Variants in GRM7 observed in about 807,000 individuals in gnomAD.
GRM7 encodes glutamate metabotropic receptor 7.
In GRM7, 35 loss-of-function variants were observed where a neutral mutation model predicts 84.5. That is an observed-to-expected ratio of 0.41 (90% CI 0.32 to 0.55). The LOEUF (loss-of-function observed/expected upper bound fraction) is 0.55. GRM7 is among the 20% of genes least tolerant of loss of function. The pLI is 0.19. For missense variants in GRM7, 1,003 were observed against 1,194.6 expected (o/e 0.84, Z 2.36); for synonymous variants, 487 against 455.1 (o/e 1.07, Z -0.89).
intron 4 of GRM7, among the ~76,000 whole-genome samples, chr3:7,393,062 T>C (rs993911086): frequency 1.3e-5 from 2 of 152,072 alleles, no homozygotes; most frequent in Admixed American, 6.5e-5. Context: ...CTCAGGCAAG[T>C]AGAGTGAGCA....
chr3:7,372,158 C>T (rs573449317), intron 4 of GRM7, among the ~76,000 whole-genome samples: 1 of 152,128 alleles, frequency 6.6e-6, no homozygotes, highest in South Asian at 2.1e-4. Flanking sequence ...TGGGAAGGAG[C>T]TCCTGCCAAC....
chr3:6,932,835 A>G (rs981561746), intron 1 of GRM7, among the ~76,000 whole-genome samples: 3 of 144,730 alleles, frequency 2.1e-5, no homozygotes, highest in African/African-American at 7.8e-5. Flanking sequence ...GCTCACTGCA[A>G]TCTTCGACTC....
At chr3:7,005,137 G>A (rs1349888324) in intron 1 of GRM7, among the ~76,000 whole-genome samples, 1 of 152,170 alleles carries the variant, frequency 6.6e-6, no homozygotes, top group African/African-American at 2.4e-5. Flanking sequence ...AACAAGTCAC[G>A]CGTCAAGGTG....
chr3:7,699,066 G>A (rs1409753374), intron 9 of GRM7, among the ~76,000 whole-genome samples: 2 of 152,130 alleles, frequency 1.3e-5, no homozygotes, highest in Admixed American at 1.3e-4. Context: ...AAAAATCTAT[G>A]CTCAAAAATC....
intron 1 of GRM7, among the ~76,000 whole-genome samples, chr3:7,045,234 A>G (rs1696761452): frequency 6.6e-6 from 1 of 152,292 alleles, no homozygotes; most frequent in African/African-American, 2.4e-5. Flanking sequence ...GTCTAGTCAG[A>G]TGTTTGGCAG....
intron 1 of GRM7, among the ~76,000 whole-genome samples, chr3:7,002,269 T>A (rs551468431): frequency 2.6e-5 from 4 of 152,286 alleles, no homozygotes; most frequent in African/African-American, 9.6e-5. Context: ...TTTTTAGATT[T>A]GTGTTTGAGG....
intron 2 of GRM7, among the ~76,000 whole-genome samples, chr3:7,254,307 T>C (rs1698120198): frequency 6.6e-6 from 1 of 152,170 alleles, no homozygotes; most frequent in African/African-American, 2.4e-5. Flanking sequence ...GTCCCACCAA[T>C]TTTGTAACCA....
chr3:7,320,624 A>G (rs1281541496), intron 4 of GRM7, among the ~76,000 whole-genome samples: 3 of 151,248 alleles, frequency 2.0e-5, no homozygotes, highest in Non-Finnish European at 4.4e-5. Context: ...TGTTTCCTCA[A>G]ATGACAAGGT....
chr3:7,398,545 A>G lies in GRM7; in HGVS notation c.1034-16478A>G, dbSNP rs73810605. 7.8e-3 allele frequency among the ~76,000 whole-genome samples: 1,189 copies of G among 152,196 alleles called. 8 individuals carry two copies. The highest frequency in any genetic ancestry group is 0.024 in the South Asian group (115 of 4,818). Reference sequence around the variant, plus strand: ...CACATATAGAGAAATTTGGTAGCCTACGTATGGAAAAATTTTAAAGGCAAT... The same window carrying G: ...CACATATAGAGAAATTTGGTAGCCTGCGTATGGAAAAATTTTAAAGGCAAT... On this transcript the variant is annotated intron_variant, in intron 4 of 9. Coordinates refer to ENST00000357716, the MANE Select transcript of GRM7 (RefSeq NM_000844.4).
At chr3:7,430,355 T>C (rs1051414350) in intron 5 of GRM7, among the ~76,000 whole-genome samples, 1 of 152,172 alleles carries the variant, frequency 6.6e-6, no homozygotes. Context: ...TTTCATACAA[T>C]GGGCCAGTAG....
At chr3:7,539,696 A>G (rs1004309897) in intron 7 of GRM7, among the ~76,000 whole-genome samples, 1 of 138,476 alleles carries the variant, frequency 7.2e-6, no homozygotes, top group African/African-American at 2.8e-5. Flanking sequence ...AAAAAAAAAA[A>G]GTCTCTCACT....
At chr3:7,684,804 A>G (rs753268004) in intron 9 of GRM7, among the ~76,000 whole-genome samples, 1 of 152,140 alleles carries the variant, frequency 6.6e-6, no homozygotes, top group Non-Finnish European at 1.5e-5. Flanking sequence ...TAGTCTCTGC[A>G]CTTAGATTGA....
chr3:6,936,667 A>T (rs1324674186), intron 1 of GRM7, among the ~76,000 whole-genome samples: 2 of 152,138 alleles, frequency 1.3e-5, no homozygotes, highest in African/African-American at 4.8e-5. Context: ...TTAGTCTTCT[A>T]ATCTTTGTGT....
chr3:7,202,935 G>A (rs769920587), intron 2 of GRM7, among the ~76,000 whole-genome samples: 33 of 151,940 alleles, frequency 2.2e-4, no homozygotes, highest in Non-Finnish European at 4.0e-4. Flanking sequence ...TTCTTTCATT[G>A]ACACATAACA....
At chr3:7,412,700 C>A (rs556032517) in intron 4 of GRM7, among the ~76,000 whole-genome samples, 8 of 152,082 alleles carry the variant, frequency 5.3e-5, no homozygotes, top group Non-Finnish European at 1.2e-4. Context: ...ACCAATGGGG[C>A]ATTTGCTTCA....
chr3:6,877,622 G>A (rs1016813028), intron 1 of GRM7, among the ~76,000 whole-genome samples: 3 of 151,974 alleles, frequency 2.0e-5, no homozygotes, highest in Non-Finnish European at 2.9e-5. Context: ...TTTCAAATTC[G>A]CTCTTTGATA....
chr3:7,579,134 C>T lies in GRM7; in HGVS notation c.2228C>T (p.Ala743Val). Residue 743 changes from alanine to valine, a missense_variant, in exon 8 of 10, where the codon GCC becomes GTC. Transcript: ENST00000357716. Reference protein sequence around the residue: ...DEHKTMNPEQARGVLKCDITD... With the variant: ...DEHKTMNPEQVRGVLKCDITD... Reference sequence around the variant, plus strand: ...CACAAGACAATGAACCCTGAGCAAGCCAGAGGGGTTCTCAAGTGTGACATT... The same window carrying T: ...CACAAGACAATGAACCCTGAGCAAGTCAGAGGGGTTCTCAAGTGTGACATT... 6.2e-7 allele frequency: 1 copy of T among 1,613,670 alleles called. No homozygotes were observed. The highest frequency in any genetic ancestry group is 8.5e-7 in the Non-Finnish European group (1 of 1,179,664).
At chr3:7,695,042 G>C (rs946977010) in intron 9 of GRM7, among the ~76,000 whole-genome samples, 3 of 152,262 alleles carry the variant, frequency 2.0e-5, no homozygotes. Context: ...ACAGAGCAAA[G>C]TGTTTTTCAT....
At chr3:6,923,628 G>C (rs897884571) in intron 1 of GRM7, among the ~76,000 whole-genome samples, 1 of 151,926 alleles carries the variant, frequency 6.6e-6, no homozygotes, top group Non-Finnish European at 1.5e-5. Flanking sequence ...TTTTCCCCCT[G>C]CACTGGGACT....
Sources: gnomAD v4.1 joint callset for allele counts (sites outside exome capture counted in the v4.1 genomes callset) on GRCh38, gnomAD v4.1.1 for gene constraint, MANE v1.5 for transcripts, NCBI Gene and HGNC (gene_info 2026-07-23, HGNC 2026-07-21) for gene names.